Variants in DST observed in about 807,000 individuals in gnomAD.
DST encodes bullous pemphigoid antigen.
DST carries 253 observed loss-of-function variants against 875.2 expected under a neutral mutation model. That is an observed-to-expected ratio of 0.29 (90% CI 0.26 to 0.32). The LOEUF (loss-of-function observed/expected upper bound fraction) is 0.32, where lower values mean the gene tolerates loss of function less well. Ranked by LOEUF, DST falls within the 10% of genes least tolerant of loss-of-function variation. The probability of loss-of-function intolerance (pLI) is 1.00; values close to 1 mark genes in which losing one functional copy is unlikely to be tolerated. For missense variants in DST, 8,287 were observed against 9,111.6 expected (o/e 0.91, Z 3.68); for synonymous variants, 3,124 against 3,197.1 (o/e 0.98, Z 0.77).
At chr6:56,617,105 G>C in intron 36 of DST, 1 of 1,613,212 alleles carries the variant, frequency 6.2e-7, no homozygotes, top group South Asian at 1.1e-5. Context: ...TTCTTCAACA[G>C]TCTTAAGACC....
At chr6:56,820,998 C>T (rs2099772418) in intron 4 of DST, among the ~76,000 whole-genome samples, 1 of 152,146 alleles carries the variant, frequency 6.6e-6, no homozygotes, top group African/African-American at 2.4e-5. Context: ...CCAACAGATT[C>T]AGTATTCTTT....
intron 46 of DST, among the ~76,000 whole-genome samples, 152 bp downstream of exon 46, chr6:56,598,324 A>G (rs1186869901): frequency 6.6e-6 from 1 of 152,248 alleles, no homozygotes; most frequent in Non-Finnish European, 1.5e-5. Context: ...AACCTTTTGT[A>G]GTACTTGGTC....
chr6:56,522,751 TAGAAC>T (rs2096730194), intron 69 of DST, among the ~76,000 whole-genome samples: 1 of 145,944 alleles, frequency 6.9e-6, no homozygotes, highest in East Asian at 1.9e-4. Context: ...GCCAAGCAAT[TAGAAC>T]TGCTGAAGAA....
intron 4 of DST, among the ~76,000 whole-genome samples, chr6:56,814,556 C>T (rs1458207259): frequency 6.6e-6 from 1 of 152,204 alleles, no homozygotes; most frequent in Middle Eastern, 3.2e-3. Flanking sequence ...TTTGAGGCAT[C>T]TCTTTTTCCA....
At chr6:56,504,192 A>G in intron 77 of DST, 94 bp from the exon 78 acceptor site, 2 of 777,092 alleles carry the variant, frequency 2.6e-6, no homozygotes, top group Non-Finnish European at 4.1e-6. Context: ...TCATAAATCT[A>G]AAAGATATTA....
chr6:56,639,719 C>T lies in DST; in HGVS notation c.2674G>A (p.Glu892Lys). ...LTYAEKLHRL[E>K]SQYAKLLNTS... ...ACCAAGAGTTTTGCATACTGACTCT[C>T]TAATCTGTGCAACTTTTCTGCATAA... The change falls in exon 20 of 104, where the codon GAG (glutamate) becomes AAG (lysine). Residue 892 changes from glutamate (E) to lysine (K), a missense_variant. Glu to Lys is a moderately conservative substitution (Grantham distance 56). Transcript: ENST00000680361. 1 of 1,613,654 alleles carries T rather than the reference C, an allele frequency of 6.2e-7. No individual in the cohort carries two copies. Among genetic ancestry groups the T allele is most frequent in the Non-Finnish European group, 8.5e-7 (1 of 1,179,838 alleles).
intron 4 of DST, among the ~76,000 whole-genome samples, chr6:56,739,802 A>G (rs531976136): frequency 6.6e-5 from 10 of 152,240 alleles, no homozygotes; most frequent in African/African-American, 2.4e-4. Context: ...GCTACCCTAT[A>G]TGGTCTACAA....
intron 3 of DST, among the ~76,000 whole-genome samples, chr6:56,884,892 C>A (rs147422145): frequency 0.025 from 3,879 of 152,246 alleles, 146 homozygotes; most frequent in African/African-American, 0.086. Context: ...CCACGCCAGG[C>A]TAATTTTTTT....
intron 3 of DST, among the ~76,000 whole-genome samples, chr6:56,874,444 T>G (rs2127618337): frequency 6.6e-6 from 1 of 152,352 alleles, no homozygotes; most frequent in East Asian, 1.9e-4. Context: ...TTACTTTCTT[T>G]TCATCCCTCT....
chr6:56,587,710 C>T (rs1380833725), intron 49 of DST, among the ~76,000 whole-genome samples: 2 of 152,158 alleles, frequency 1.3e-5, no homozygotes, highest in Admixed American at 1.3e-4. Flanking sequence ...AACAGCAGAT[C>T]TCTCGGCAGA....
rs1161421788 is a variant in DST, at chr6:56,916,987, T to TAAA, written c.217-16369_217-16367dup. Reference sequence around the variant, plus strand: ...ACTCGCCATCAAGCCCCAGGCATGCTAAAAAAAAAAAAAAAAAAAAAAAAA... The same window carrying TAAA: ...ACTCGCCATCAAGCCCCAGGCATGCTAAAAAAAAAAAAAAAAAAAAAAAAAAAA... On this transcript the variant is annotated intron_variant, in intron 2 of 103. Transcript: ENST00000680361. Among the ~76,000 whole-genome samples, 234 of 35,532 alleles carry TAAA rather than the reference T, an allele frequency of 6.6e-3. 27 individuals are homozygous for TAAA. Among genetic ancestry groups the TAAA allele is most frequent in the African/African-American group, 0.024 (213 of 8,854 alleles). 23.3% of individuals were successfully genotyped at this position (35,532 alleles called of 152,430 possible). A position where few individuals can be genotyped will look rare whatever the true frequency, so the allele number is the denominator to read the frequency against.
Position 56,460,209 on chromosome 6 carries a change from A to G in DST, c.23116T>C (p.Ser7706Pro). The G allele has an allele frequency of 1.2e-6, 2 of 1,614,010 alleles. No individual in the cohort carries two copies. Among genetic ancestry groups the G allele is most frequent in the Non-Finnish European group, 1.7e-6 (2 of 1,179,890 alleles). ...TCCCCAGAGTGGAAGCCTTTCCCTG[A>G]TAAATATCCTGGAAGTCGAAGCTTG... is the stretch of plus-strand genomic sequence containing the variant. ...GSKLRLPGYLSGKGFHSGEDS... is the reference protein window; with the variant it reads ...GSKLRLPGYLPGKGFHSGEDS... The change falls in exon 103 of 104, where the codon TCA becomes CCA. Residue 7706 changes from serine (S) to proline (P), a missense_variant. Transcript: ENST00000680361.
chr6:56,506,306 C>A, intron 77 of DST, 137 bp downstream of exon 77: 2 of 619,506 alleles, frequency 3.2e-6, no homozygotes, highest in Non-Finnish European at 5.5e-6. Context: ...AAATGAGATA[C>A]ACAGGCAACT....
chr6:56,509,001 T>G (rs2096406333), intron 74 of DST, among the ~76,000 whole-genome samples: 1 of 152,050 alleles, frequency 6.6e-6, no homozygotes. Context: ...GAGCTCAGAG[T>G]AGAACCAAGT....
chr6:56,863,166 G>A (rs1562216493), intron 3 of DST: 1 of 152,156 alleles, frequency 6.6e-6, no homozygotes, highest in Non-Finnish European at 1.5e-5. Flanking sequence ...TGCTGAGATG[G>A]TAGCATGCTG....
chr6:56,928,214 G>T (rs951327214), intron 2 of DST, among the ~76,000 whole-genome samples: 1 of 152,118 alleles, frequency 6.6e-6, no homozygotes, highest in Non-Finnish European at 1.5e-5. Context: ...GGGCACCTCT[G>T]ACAGGAAGAG....
At chr6:56,763,726 T>C (rs1195744154) in intron 4 of DST, among the ~76,000 whole-genome samples, 103 of 59,516 alleles carry the variant, frequency 1.7e-3, no homozygotes, top group East Asian at 5.0e-3. Context: ...CACACACACA[T>C]ATAGGGATGG....
chr6:56,824,994 G>C (rs1475147734), intron 4 of DST, among the ~76,000 whole-genome samples: 7 of 152,368 alleles, frequency 4.6e-5, no homozygotes, highest in Non-Finnish European at 8.8e-5. Flanking sequence ...TGGTCTGGGA[G>C]GTGTACCCAA....
chr6:56,890,564 A>G (rs1386030378), intron 3 of DST, among the ~76,000 whole-genome samples: 1 of 152,230 alleles, frequency 6.6e-6, no homozygotes, highest in Non-Finnish European at 1.5e-5. Context: ...AACATCTAAA[A>G]CAAGGAGTAA....
Sources: gnomAD v4.1 joint callset for allele counts (sites outside exome capture counted in the v4.1 genomes callset) on GRCh38, gnomAD v4.1.1 for gene constraint, MANE v1.5 for transcripts, NCBI Gene and HGNC (gene_info 2026-07-23, HGNC 2026-07-21) for gene names.